ERICH3: variants seen among roughly 807,000 people sequenced by gnomAD.
ERICH3 encodes the protein glutamate-rich protein 3.
Under a neutral mutation model 131.1 loss-of-function variants are expected in ERICH3, and 126 were observed. That is an observed-to-expected ratio of 0.96 (90% CI 0.83 to 1.11). The LOEUF (loss-of-function observed/expected upper bound fraction) is 1.11, where lower values mean the gene tolerates loss of function less well. Among genes scored for constraint, ERICH3 ranks in the 50% most tolerant of loss-of-function variants. The pLI, the probability that ERICH3 is intolerant of heterozygous loss-of-function variation, is 0.00. For missense variants in ERICH3, 2,050 were observed against 1,810.7 expected, an observed-to-expected ratio of 1.13 and a Z score of -2.40; for synonymous variants, 695 against 644.6, an observed-to-expected ratio of 1.08 and a Z score of -1.18.
intron 13 of ERICH3, among the ~76,000 whole-genome samples, chr1:74,574,695 T>C (rs913775354): frequency 6.6e-6 from 1 of 152,244 alleles, no homozygotes; most frequent in Non-Finnish European, 1.5e-5. Flanking sequence ...GCTATCATAG[T>C]TCATAGTTCA....
intron 13 of ERICH3, among the ~76,000 whole-genome samples, chr1:74,574,396 C>T (rs1280121013): frequency 6.6e-6 from 1 of 152,138 alleles, no homozygotes; most frequent in Non-Finnish European, 1.5e-5. Context: ...ACTGATGATT[C>T]TCACTCCCAG....
chr1:74,606,077 G>A (rs1648378914), intron 10 of ERICH3, among the ~76,000 whole-genome samples: 1 of 151,474 alleles, frequency 6.6e-6, no homozygotes, highest in African/African-American at 2.4e-5. Context: ...AGCAGTGGAA[G>A]GCAGGAGAGA....
At chr1:74,668,562 A>C (rs1408721319) in intron 1 of ERICH3, among the ~76,000 whole-genome samples, 1 of 152,178 alleles carries the variant, frequency 6.6e-6, no homozygotes, top group African/African-American at 2.4e-5. Context: ...TCACTATGTG[A>C]TTTTTGGCTT....
rs149362216 is a variant in ERICH3, at chr1:74,639,692, G to A, written c.444+1639C>T. 1.2e-3 allele frequency among the ~76,000 whole-genome samples: 189 copies of A among 152,228 alleles called. 1 individual carries two copies. The East Asian group carries it at 0.018, about 15-fold the overall frequency. On this transcript the variant is annotated intron_variant, in intron 5 of 14. Transcript: ENST00000326665. ...GAATTAGCTGAAATGATTTTCCATCGTTTTAATGGGAGTGGTACAGCTAAA... is the reference window on the plus strand; with the variant it reads ...GAATTAGCTGAAATGATTTTCCATCATTTTAATGGGAGTGGTACAGCTAAA...
In ERICH3 at chr1:74,662,902, G is replaced by A. The variant is rs796676312; in HGVS notation, c.23+10595C>T. ...ATGGTGGCTCACGCCTGTAATCCCA[G>A]CTATTTGGGAGGCTAAGGTGGGATA... On this transcript the variant is annotated intron_variant, in intron 1 of 14. Transcript: ENST00000326665. Among the ~76,000 whole-genome samples the A allele has an allele frequency of 3.3e-5, 5 of 152,274 alleles. 1 individual carries two copies. The highest frequency in any genetic ancestry group is 1.2e-4 in the African/African-American group (5 of 41,564).
intron 5 of ERICH3, among the ~76,000 whole-genome samples, chr1:74,637,607 AT>A (rs1187304238): frequency 6.6e-6 from 1 of 152,172 alleles, no homozygotes; most frequent in Non-Finnish European, 1.5e-5. Flanking sequence ...TTGAAAGAAT[AT>A]TGTTAGTTTA....
At chr1:74,646,889 GACACACACAC>G (rs141577300) in intron 2 of ERICH3, 97 bp from the exon 3 acceptor site, 2 of 247,744 alleles carry the variant, frequency 8.1e-6, no homozygotes, top group Non-Finnish European at 7.7e-6. Context: ...AAGACAGACA[GACACACACAC>G]ACACACACAC....
intron 4 of ERICH3, among the ~76,000 whole-genome samples, chr1:74,641,730 A>C (rs1237512826): frequency 6.6e-6 from 1 of 152,104 alleles, no homozygotes; most frequent in Non-Finnish European, 1.5e-5. Flanking sequence ...AAAAGGCATA[A>C]TGAGCTTTAC....
At position 74,572,830 on chromosome 1, in the gene ERICH3, C is replaced by T; in HGVS notation, c.2880G>A (p.Glu960=). The change falls in exon 14 of 15, where the codon GAG becomes GAA. Residue 960 remains glutamate (E), a synonymous_variant. Coordinates refer to ENST00000326665, the MANE Select transcript of ERICH3 (RefSeq NM_001002912.5). ...CGTCCTCTCTCTTTGATGCTGTGTC[C>T]TCCATGGGTCCTGTGTCCTCTAGGT... ...SIDLEDTGPM[E]DTASKREDGS... The T allele has an allele frequency of 6.2e-7, 1 of 1,613,824 alleles. No individual in the cohort carries two copies. The highest frequency in any genetic ancestry group is 8.5e-7 in the Non-Finnish European group (1 of 1,180,014).
intron 8 of ERICH3, among the ~76,000 whole-genome samples, chr1:74,614,326 T>G (rs1234364688): frequency 2.0e-5 from 3 of 151,234 alleles, no homozygotes; most frequent in Non-Finnish European, 4.4e-5. Context: ...AATCTATTTT[T>G]TCAGTTATTT....
intron 10 of ERICH3, among the ~76,000 whole-genome samples, chr1:74,603,853 C>T (rs1648261520): frequency 1.3e-5 from 2 of 151,826 alleles, no homozygotes; most frequent in Non-Finnish European, 1.5e-5. Flanking sequence ...GGAGGATATT[C>T]CCTTGATGTT....
chr1:74,608,516 G>T (rs887146888), intron 9 of ERICH3, among the ~76,000 whole-genome samples: 4 of 151,942 alleles, frequency 2.6e-5, no homozygotes, highest in Non-Finnish European at 5.9e-5. Context: ...TTAAACTGAA[G>T]ATTTCACTAA....
chr1:74,594,932 T>G (rs1245726193), intron 11 of ERICH3, among the ~76,000 whole-genome samples: 1 of 152,118 alleles, frequency 6.6e-6, no homozygotes, highest in Non-Finnish European at 1.5e-5. Context: ...CAGTTTAAGT[T>G]CACAAACTAA....
chr1:74,665,773 C>T (rs1048379991), intron 1 of ERICH3, among the ~76,000 whole-genome samples: 3 of 152,042 alleles, frequency 2.0e-5, no homozygotes, highest in Non-Finnish European at 4.4e-5. Context: ...ACCTTAATTA[C>T]CTCTTTAAAG....
chr1:74,614,905 T>C (rs1648890501), intron 8 of ERICH3, among the ~76,000 whole-genome samples: 2 of 152,184 alleles, frequency 1.3e-5, no homozygotes, highest in South Asian at 4.1e-4. Context: ...GTTTGATTGT[T>C]TTTGTTATAG....
chr1:74,652,032 A>G (rs796909390), intron 1 of ERICH3, among the ~76,000 whole-genome samples: 10 of 152,298 alleles, frequency 6.6e-5, no homozygotes, highest in African/African-American at 2.2e-4. Context: ...ATTTAGGAAT[A>G]AATGTGGGTT....
chr1:74,598,546 T>C (rs1466832596), intron 11 of ERICH3, among the ~76,000 whole-genome samples: 1 of 151,862 alleles, frequency 6.6e-6, no homozygotes, highest in African/African-American at 2.4e-5. Context: ...CAGCATGTGA[T>C]AAACTATGCC....
intron 6 of ERICH3, among the ~76,000 whole-genome samples, chr1:74,632,295 T>G (rs186490617): frequency 6.6e-6 from 1 of 152,180 alleles, no homozygotes; most frequent in African/African-American, 2.4e-5. Context: ...ATTAGGACTT[T>G]TTTCATATTC....
chr1:74,610,480 C>G (rs1648638976), intron 9 of ERICH3, among the ~76,000 whole-genome samples: 1 of 150,356 alleles, frequency 6.7e-6, no homozygotes. Context: ...AGTCCTACAT[C>G]TCATCTTCTC....
Sources: allele counts gnomAD v4.1 joint callset (sites outside exome capture counted in the v4.1 genomes callset), GRCh38; gene constraint gnomAD v4.1.1; transcripts MANE v1.5; gene names NCBI Gene and HGNC (gene_info 2026-07-23, HGNC 2026-07-21).